PIWIL2: variants seen among roughly 807,000 people sequenced by gnomAD.
The protein encoded by PIWIL2 is piwi-like protein 2.
PIWIL2 carries 81 observed loss-of-function variants against 116.5 expected under a neutral mutation model. That is an observed-to-expected ratio of 0.70 (90% CI 0.58 to 0.84). The LOEUF (loss-of-function observed/expected upper bound fraction) is 0.84. PIWIL2 is among the 40% of genes least tolerant of loss of function. The probability of loss-of-function intolerance (pLI) is 0.00; values close to 1 mark genes in which losing one functional copy is unlikely to be tolerated. For missense variants in PIWIL2, 1,272 were observed against 1,212.3 expected (o/e 1.05, Z -0.73); for synonymous variants, 489 against 429.5 (o/e 1.14, Z -1.71).
rs76659506 is a variant in PIWIL2, at chr8:22,281,440, C to G, written c.350C>G (p.Ser117Cys). ...GTACGCAAGGACAGGGAGGAACTCT[C>G]TCCCACTTTTTGGGATCCAAAAGTG... ...NLVRKDREEL[S>C]PTFWDPKVLA... The change falls in exon 4 of 23, where the codon TCT becomes TGT. Residue 117 changes from serine to cysteine, a missense_variant. Transcript: ENST00000356766. The G allele has an allele frequency of 1.2e-3, 1,908 of 1,605,188 alleles. 39 individuals carry two copies. In the East Asian group the frequency reaches 0.032, roughly 27 times the overall value.
chr8:22,298,391 A>G (rs534560630), intron 10 of PIWIL2, among the ~76,000 whole-genome samples: 5 of 152,342 alleles, frequency 3.3e-5, no homozygotes, highest in South Asian at 2.1e-4. Context: ...CAAAAGGTCT[A>G]TTTTACGTAA....
rs1016491858 is a variant in PIWIL2, at chr8:22,318,211, C to G, written c.2339C>G (p.Pro780Arg). 1 of 1,613,492 alleles carries G rather than the reference C, an allele frequency of 6.2e-7. No homozygotes were observed. Among genetic ancestry groups the G allele is most frequent in the Non-Finnish European group, 8.5e-7 (1 of 1,179,494 alleles). ...TATTCCCGGGTGGTGTTCCAGATGC[C>G]GCATCAGGAGATTGTGGACAGCCTG... ...KWYSRVVFQM[P>R]HQEIVDSLKL... The change falls in exon 20 of 23, where the codon CCG becomes CGG. Residue 780 changes from proline (P) to arginine (R), a missense_variant. Coordinates refer to ENST00000356766, the MANE Select transcript of PIWIL2 (RefSeq NM_018068.5).
rs555143160 is a variant in PIWIL2, at chr8:22,321,444, T to A, written c.2403+3169T>A. On this transcript the variant is annotated intron_variant, in intron 20 of 22. Transcript: ENST00000356766. ...TTTCATTTCTTTCAGGTCCTCATTA[T>A]TGGCTTAGTCCTATGCCAGCTTTTG... 4.3e-4 allele frequency among the ~76,000 whole-genome samples: 65 copies of A among 152,366 alleles called. 1 individual carries two copies. The highest frequency in any genetic ancestry group is 1.6e-3 in the African/African-American group (65 of 41,592).
At chr8:22,351,716 T>C (rs181260783) in intron 20 of PIWIL2, among the ~76,000 whole-genome samples, 1 of 150,958 alleles carries the variant, frequency 6.6e-6, no homozygotes, top group Non-Finnish European at 1.5e-5. Flanking sequence ...TTTTGTATTT[T>C]TAGTAGAGAC....
At position 22,281,450 on chromosome 8, in the gene PIWIL2, T is replaced by C. The variant is rs1830499645; in HGVS notation, c.360T>C (p.Phe120=). ...RKDREELSPT[F]WDPKVLAAGD... is the part of the protein sequence containing the mutation. Reference sequence around the variant, plus strand: ...ACAGGGAGGAACTCTCTCCCACTTTTTGGGATCCAAAAGTGTTGGCGGCTG... The same window carrying C: ...ACAGGGAGGAACTCTCTCCCACTTTCTGGGATCCAAAAGTGTTGGCGGCTG... Residue 120 remains phenylalanine, a synonymous_variant, in exon 4 of 23, where the codon TTT becomes TTC. Transcript: ENST00000356766. The C allele has an allele frequency of 6.2e-7, 1 of 1,605,670 alleles. No homozygotes were observed. The highest frequency in any genetic ancestry group is 8.5e-7 in the Non-Finnish European group (1 of 1,178,230).
intron 12 of PIWIL2, among the ~76,000 whole-genome samples, chr8:22,305,425 C>G (rs1486201504): frequency 6.6e-6 from 1 of 152,064 alleles, no homozygotes; most frequent in African/African-American, 2.4e-5. Context: ...ATCTCCTGAC[C>G]TCGTGATTTG....
chr8:22,277,875 A>T (rs562476447), intron 1 of PIWIL2, among the ~76,000 whole-genome samples: 1 of 152,198 alleles, frequency 6.6e-6, no homozygotes, highest in African/African-American at 2.4e-5. Flanking sequence ...GTTAACTATG[A>T]AATTGTTTAT....
rs1278961009 is a variant in PIWIL2, at chr8:22,289,843, TC to T, written c.987-3del. The T allele has an allele frequency of 6.3e-7, 1 of 1,578,404 alleles. No homozygotes were observed. Among genetic ancestry groups the T allele is most frequent in the South Asian group, 1.1e-5 (1 of 90,086 alleles). ...AGAAAACTCATACTTGCTTTTTATT[TC>T]AGGGTAATGAAACTTTTAGATATGA... On this transcript the variant is annotated splice_region_variant and splice_polypyrimidine_tract_variant and intron_variant, in intron 8 of 22. Coordinates refer to ENST00000356766, the MANE Select transcript of PIWIL2 (RefSeq NM_018068.5).
In PIWIL2 at chr8:22,356,426, G is replaced by A. The variant is rs1459523307; in HGVS notation, c.*921G>A. On this transcript the variant is annotated 3_prime_UTR_variant, in exon 23 of 23. Coordinates refer to ENST00000356766, the MANE Select transcript of PIWIL2 (RefSeq NM_018068.5). ...GCTTCCCTTGGCCTCTTGAAAGAGT[G>A]CAGATGAAGCCTTTTCCGTGGATTT... 6.6e-6 allele frequency: 1 copy of A among 152,220 alleles called. No individual in the cohort carries two copies. The highest frequency in any genetic ancestry group is 1.5e-5 in the Non-Finnish European group (1 of 68,052). The allele number at this position is 152,220 out of a possible 1,614,324, so 9.4% of individuals were successfully genotyped here. A position where few individuals can be genotyped will look rare whatever the true frequency, so the allele number is the denominator to read the frequency against.
intron 16 of PIWIL2, 66 bp downstream of exon 16, chr8:22,311,366 A>G (rs1167433814): frequency 1.4e-5 from 18 of 1,301,614 alleles, no homozygotes; most frequent in Non-Finnish European, 2.0e-5. Context: ...CTTAATTTTA[A>G]TGTATCATGG....
At chr8:22,316,368 A>G (rs753503535) in intron 19 of PIWIL2, 35 bp downstream of exon 19, 2 of 1,268,626 alleles carry the variant, frequency 1.6e-6, no homozygotes, top group East Asian at 2.3e-5. Context: ...TTGTTTGATT[A>G]TTTCATTTTA....
chr8:22,322,022 T>G (rs1163262817), intron 20 of PIWIL2: 5 of 778,308 alleles, frequency 6.4e-6, no homozygotes, highest in Non-Finnish European at 7.8e-6. Context: ...ACTGTTTTGG[T>G]TTTTTTTTTT....
chr8:22,318,269 T>C lies in PIWIL2; in HGVS notation c.2397T>C (p.Phe799=). The C allele has an allele frequency of 6.4e-7, 1 of 1,571,160 alleles. No individual in the cohort carries two copies. The highest frequency in any genetic ancestry group is 1.7e-5 in the Admixed American group (1 of 59,580). The change falls in exon 20 of 23, where the codon TTT becomes TTC. Residue 799 remains phenylalanine (F), a synonymous_variant. Transcript: ENST00000356766. ...KLCLVGSLKK[F]YEVNHCLPEK... ...GCCTCGTGGGCTCCTTAAAAAAGTT[T>C]TATGAGGTGAGGAGAACAGAAATTC... is the stretch of plus-strand genomic sequence containing the variant.
intron 14 of PIWIL2, among the ~76,000 whole-genome samples, chr8:22,308,600 C>A (rs1831246180): frequency 1.3e-5 from 2 of 151,956 alleles, no homozygotes; most frequent in African/African-American, 4.8e-5. Context: ...TTGCAGTGAG[C>A]CAAGATGGGG....
intron 20 of PIWIL2, among the ~76,000 whole-genome samples, chr8:22,324,326 A>G (rs965761565): frequency 2.6e-5 from 4 of 152,116 alleles, no homozygotes; most frequent in Non-Finnish European, 5.9e-5. Context: ...ATCCTCAGAT[A>G]TCATTCTTCC....
intron 12 of PIWIL2, 95 bp from the exon 13 acceptor site, chr8:22,305,832 C>T: frequency 7.1e-6 from 6 of 841,572 alleles, no homozygotes; most frequent in South Asian, 7.1e-5. Context: ...AGGTATATCA[C>T]TGCAGGAGCA....
At chr8:22,291,577 T>G (rs1469115488) in intron 10 of PIWIL2, among the ~76,000 whole-genome samples, 3 of 152,344 alleles carry the variant, frequency 2.0e-5, no homozygotes, top group African/African-American at 4.8e-5. Flanking sequence ...TTCTAAATCC[T>G]TTTAATATAT....
chr8:22,343,836 A>G (rs1658461528), intron 20 of PIWIL2, among the ~76,000 whole-genome samples: 2 of 152,228 alleles, frequency 1.3e-5, no homozygotes, highest in African/African-American at 2.4e-5. Context: ...GCAGCTAATT[A>G]CTAAACTAAA....
chr8:22,305,589 G>A lies in PIWIL2; in HGVS notation c.1456-338G>A, dbSNP rs140724718. ...GAAGATTGAAGACCAGTAGGATACA[G>A]TGAGACTGAGGCACACTGCTTAGCA... On this transcript the variant is annotated intron_variant, in intron 12 of 22. Coordinates refer to ENST00000356766, the MANE Select transcript of PIWIL2 (RefSeq NM_018068.5). Among the ~76,000 whole-genome samples the A allele has an allele frequency of 3.3e-5, 5 of 152,280 alleles. No individual in the cohort carries two copies. The East Asian group carries it at 9.6e-4, about 29-fold the overall frequency.
Sources: gnomAD v4.1 joint callset for allele counts (sites outside exome capture counted in the v4.1 genomes callset) on GRCh38, gnomAD v4.1.1 for gene constraint, MANE v1.5 for transcripts, NCBI Gene and HGNC (gene_info 2026-07-23, HGNC 2026-07-21) for gene names.